Variants in KIF20B observed in about 807,000 individuals in gnomAD.
KIF20B encodes kinesin family member 20B.
A neutral mutation model predicts 232.5 loss-of-function variants in KIF20B; 188 were observed. The observed-to-expected ratio is 0.81, with a 90% confidence interval of 0.72 to 0.91. The LOEUF (loss-of-function observed/expected upper bound fraction) is 0.91. Ranked by LOEUF, KIF20B falls within the 40% of genes least tolerant of loss-of-function variation. The pLI is 0.00. For missense variants in KIF20B, 2,154 were observed against 2,055.9 expected (o/e 1.05, Z -0.92); for synonymous variants, 712 against 683.0 (o/e 1.04, Z -0.66).
At chr10:89,721,177 G>A (rs1843049514) in intron 13 of KIF20B, among the ~76,000 whole-genome samples, 1 of 152,146 alleles carries the variant, frequency 6.6e-6, no homozygotes, top group African/African-American at 2.4e-5. Flanking sequence ...GAACGATGAT[G>A]TATTAGGCTA....
At chr10:89,722,317 A>T (rs947616852) in intron 13 of KIF20B, among the ~76,000 whole-genome samples, 1 of 152,198 alleles carries the variant, frequency 6.6e-6, no homozygotes, top group Non-Finnish European at 1.5e-5. Flanking sequence ...GCCAGCCTAA[A>T]TTTTTTCAGC....
chr10:89,762,319 A>C (rs185770763), intron 28 of KIF20B, among the ~76,000 whole-genome samples: 27 of 152,320 alleles, frequency 1.8e-4, no homozygotes, highest in Admixed American at 1.8e-3. Flanking sequence ...TTTGTCAAAG[A>C]TCTCAGCCTC....
At chr10:89,726,131 C>T (rs943167294) in intron 15 of KIF20B, among the ~76,000 whole-genome samples, 162 bp from the exon 16 acceptor site, 7 of 152,080 alleles carry the variant, frequency 4.6e-5, no homozygotes, top group African/African-American at 1.7e-4. Flanking sequence ...AATAATGGAA[C>T]ACAGGTTTTT....
At chr10:89,728,979 C>G (rs558765580) in intron 17 of KIF20B, 149 bp from the exon 18 acceptor site, 1 of 532,162 alleles carries the variant, frequency 1.9e-6, no homozygotes, top group Admixed American at 5.7e-5. Flanking sequence ...AAAATAAGAT[C>G]ATGCTGTGCA....
In KIF20B at chr10:89,738,198, T is replaced by C. The variant is rs1039308950; in HGVS notation, c.3357T>C (p.Thr1119=). The change falls in exon 20 of 33, where the codon ACT becomes ACC. Residue 1119 remains threonine (T), a synonymous_variant. Coordinates refer to ENST00000371728, the MANE Select transcript of KIF20B (RefSeq NM_001284259.2). ...ATGACCTACTAAAAGAAAAAGAAACTCTTATACAGCAGCTGAAAGAAGAAT... is the reference window on the plus strand; with the variant it reads ...ATGACCTACTAAAAGAAAAAGAAACCCTTATACAGCAGCTGAAAGAAGAAT... The part of the protein sequence containing the change: ...NQDDLLKEKE[T]LIQQLKEELQ... 1.1e-5 allele frequency: 18 copies of C among 1,604,722 alleles called. No homozygotes were observed. Among genetic ancestry groups the C allele is most frequent in the Middle Eastern group, 1.7e-4 (1 of 6,028 alleles).
chr10:89,771,307 C>CA (rs35606098), intron 31 of KIF20B, among the ~76,000 whole-genome samples: 47,256 of 151,886 alleles, frequency 0.31, 8,302 homozygotes, highest in African/African-American at 0.47. Context: ...ATAATCTGCA[C>CA]GGACAAAATG....
intron 21 of KIF20B, among the ~76,000 whole-genome samples, chr10:89,742,643 A>G (rs1841825378): frequency 6.6e-6 from 1 of 152,016 alleles, no homozygotes; most frequent in Admixed American, 6.6e-5. Flanking sequence ...AAAACAATGT[A>G]AGAATCCTCT....
At chr10:89,742,397 C>T (rs1334153236) in intron 21 of KIF20B, among the ~76,000 whole-genome samples, 1 of 152,148 alleles carries the variant, frequency 6.6e-6, no homozygotes, top group African/African-American at 2.4e-5. Flanking sequence ...TCTAAGTTCA[C>T]TTGTCTTAGT....
At chr10:89,710,207 G>T (rs11185849) in intron 5 of KIF20B, 142 bp downstream of exon 5, 11,203 of 545,540 alleles carry the variant, frequency 0.021, 610 homozygotes, top group East Asian at 0.12. Flanking sequence ...ATATTATTAC[G>T]TATTGCTGTT....
At chr10:89,749,005 G>C (rs1841974245) in intron 23 of KIF20B, among the ~76,000 whole-genome samples, 1 of 152,002 alleles carries the variant, frequency 6.6e-6, no homozygotes, top group Admixed American at 6.6e-5. Flanking sequence ...TTATAAAGTA[G>C]TATTTATTGT....
intron 14 of KIF20B, among the ~76,000 whole-genome samples, chr10:89,724,474 A>G (rs1470445061): frequency 6.6e-6 from 1 of 152,290 alleles, no homozygotes; most frequent in African/African-American, 2.4e-5. Context: ...GGTTGCAGTG[A>G]GCTGAGATTG....
intron 13 of KIF20B, among the ~76,000 whole-genome samples, chr10:89,720,784 C>T (rs1047982316): frequency 6.6e-6 from 1 of 152,216 alleles, no homozygotes; most frequent in African/African-American, 2.4e-5. Context: ...CGGCTTACTG[C>T]AACCTCTGCC....
Position 89,705,357 on chromosome 10 carries a change from A to C in KIF20B, c.63A>C (p.Pro21=). 6.2e-7 allele frequency: 1 copy of C among 1,614,006 alleles called. No individual in the cohort carries two copies. The highest frequency in any genetic ancestry group is 2.2e-5 in the East Asian group (1 of 44,848). ...CATCTTATGTTTTTAGTGCTGACCC[A>C]ATTGCAAGGCCTTCAGAAATAAATT... ...PRPSYVFSAD[P]IARPSEINFD... The change falls in exon 2 of 33, where the codon CCA becomes CCC. Residue 21 remains proline, a synonymous_variant. Coordinates refer to ENST00000371728, the MANE Select transcript of KIF20B (RefSeq NM_001284259.2).
intron 31 of KIF20B, among the ~76,000 whole-genome samples, chr10:89,770,194 T>C (rs1842436763): frequency 6.6e-6 from 1 of 152,080 alleles, no homozygotes; most frequent in South Asian, 2.1e-4. Context: ...TTGAACTACC[T>C]TGGGCTATTG....
intron 22 of KIF20B, 108 bp from the exon 23 acceptor site, chr10:89,745,791 T>C (rs1197406128): frequency 1.4e-6 from 1 of 708,610 alleles, no homozygotes; most frequent in African/African-American, 1.8e-5. Context: ...ACCAGCTATA[T>C]AGGAGACTGA....
chr10:89,740,541 AAT>A (rs1841776095), intron 21 of KIF20B, among the ~76,000 whole-genome samples: 1 of 151,988 alleles, frequency 6.6e-6, no homozygotes, highest in Non-Finnish European at 1.5e-5. Context: ...TTCCAACTCT[AAT>A]CATTTTTGGT....
chr10:89,724,046 GAGA>G lies in KIF20B; in HGVS notation c.1811_1813del (p.Glu604del), dbSNP rs764896947. ...AAATTAACCTTGGAATTTAAAATTC[GAGA>G]AGAAGTTACACAGGAGTTTACTCAG... On this transcript the variant is annotated inframe_deletion, in exon 14 of 33. Coordinates refer to ENST00000371728, the MANE Select transcript of KIF20B (RefSeq NM_001284259.2). The G allele has an allele frequency of 5.1e-6, 8 of 1,576,846 alleles. No individual in the cohort carries two copies. Among genetic ancestry groups the G allele is most frequent in the South Asian group, 3.6e-5 (3 of 82,512 alleles).
Position 89,738,957 on chromosome 10 carries a change from G to C in KIF20B, c.3777-1G>C, listed in dbSNP as rs761442787. The C allele has an allele frequency of 3.7e-6, 6 of 1,608,448 alleles. No homozygotes were observed. Among genetic ancestry groups the C allele is most frequent in the Non-Finnish European group, 5.1e-6 (6 of 1,178,512 alleles). Reference sequence around the variant, plus strand: ...ATAGAAAAGTGGTTTATGTTTTTTAGATTGAAAGAGGAACTCTCTGCAAGC... The same window carrying C: ...ATAGAAAAGTGGTTTATGTTTTTTACATTGAAAGAGGAACTCTCTGCAAGC... On this transcript the variant is annotated splice_acceptor_variant, in intron 20 of 32. Coordinates refer to ENST00000371728, the MANE Select transcript of KIF20B (RefSeq NM_001284259.2). LOFTEE classifies it high-confidence loss of function.
chr10:89,739,017 A>G lies in KIF20B; in HGVS notation c.3836A>G (p.Gln1279Arg). Reference sequence around the variant, plus strand: ...ACCCAGAATCTGAAAGCAGATCTTCAGAGGAAGGAAGAAGATTATGCTGAC... The same window carrying G: ...ACCCAGAATCTGAAAGCAGATCTTCGGAGGAAGGAAGAAGATTATGCTGAC... Reference protein sequence around the residue: ...ARTQNLKADLQRKEEDYADLK... With the variant: ...ARTQNLKADLRRKEEDYADLK... Residue 1279 changes from glutamine (Q) to arginine (R), a missense_variant, in exon 21 of 33, where the codon CAG (glutamine) becomes CGG (arginine). Gln to Arg is a conservative substitution (Grantham distance 43). Coordinates refer to ENST00000371728, the MANE Select transcript of KIF20B (RefSeq NM_001284259.2). The G allele has an allele frequency of 6.2e-7, 1 of 1,613,350 alleles. No homozygotes were observed. Among genetic ancestry groups the G allele is most frequent in the Non-Finnish European group, 8.5e-7 (1 of 1,179,498 alleles).
Sources: allele counts gnomAD v4.1 joint callset (sites outside exome capture counted in the v4.1 genomes callset), GRCh38; gene constraint gnomAD v4.1.1; transcripts MANE v1.5; gene names NCBI Gene and HGNC (gene_info 2026-07-23, HGNC 2026-07-21).